The following ZNF107 variants were observed in gnomAD, a reference collection of about 807,000 sequenced individuals.
The protein encoded by ZNF107 is zinc finger protein 107.
In ZNF107, 19 loss-of-function variants were observed where a neutral mutation model predicts 12.3. The ratio of observed to expected loss-of-function variants is 1.55; its 90% CI spans 1.08 to 2.27. The LOEUF is 2.27. ZNF107 is among the 30% of genes most tolerant of loss of function. The pLI, the probability that ZNF107 is intolerant of heterozygous loss-of-function variation, is 0.00. For missense variants in ZNF107, 958 were observed against 979.9 expected (o/e 0.98, Z 0.30); for synonymous variants, 317 against 330.5 (o/e 0.96, Z 0.44).
intron 3 of ZNF107, among the ~76,000 whole-genome samples, chr7:64,705,696 CTT>C (rs59441538): frequency 0.41 from 55,605 of 134,736 alleles, 10,993 homozygotes; most frequent in African/African-American, 0.47. Context: ...AATTTTCTAG[CTT>C]TTTTTTTTTT....
chr7:64,681,508 C>T (rs943010199), intron 1 of ZNF107, among the ~76,000 whole-genome samples: 4 of 152,068 alleles, frequency 2.6e-5, no homozygotes, highest in Admixed American at 2.6e-4. Context: ...CCACCCTTCT[C>T]CCCAACCCTT....
chr7:64,692,158 C>T (rs1790140309), intron 3 of ZNF107, among the ~76,000 whole-genome samples, 198 bp downstream of exon 3: 1 of 152,188 alleles, frequency 6.6e-6, no homozygotes, highest in African/African-American at 2.4e-5. Flanking sequence ...AAGGATTCTA[C>T]TTTCCCTTCA....
chr7:64,677,580 G>C (rs1466662519), intron 1 of ZNF107, among the ~76,000 whole-genome samples: 2 of 151,388 alleles, frequency 1.3e-5, no homozygotes, highest in African/African-American at 4.9e-5. Context: ...TCGGCTAGGC[G>C]TGGTGGCTCA....
At chr7:64,694,848 T>C (rs1008594419) in intron 3 of ZNF107, among the ~76,000 whole-genome samples, 1 of 152,204 alleles carries the variant, frequency 6.6e-6, no homozygotes, top group Non-Finnish European at 1.5e-5. Context: ...TAGGGCAATG[T>C]ACTAGAATTT....
chr7:64,698,563 AG>A (rs1397103418), intron 3 of ZNF107, among the ~76,000 whole-genome samples: 1 of 151,906 alleles, frequency 6.6e-6, no homozygotes, highest in Non-Finnish European at 1.5e-5. Context: ...CTGGGATTAC[AG>A]GCTCCTGCCA....
chr7:64,666,401 C>A, intron 1 of ZNF107, 116 bp downstream of exon 1: 2 of 1,405,516 alleles, frequency 1.4e-6, no homozygotes, highest in Non-Finnish European at 2.0e-6. Flanking sequence ...TTCTCCTTGG[C>A]GCAGCTCGGC....
At chr7:64,668,711 G>C (rs1789103733) in intron 1 of ZNF107, among the ~76,000 whole-genome samples, 1 of 151,940 alleles carries the variant, frequency 6.6e-6, no homozygotes, top group Admixed American at 6.6e-5. Flanking sequence ...TTCTTTCCCA[G>C]ACTTAGTTTA....
At chr7:64,666,719 C>A (rs892858776) in intron 1 of ZNF107, among the ~76,000 whole-genome samples, 6 of 152,152 alleles carry the variant, frequency 3.9e-5, no homozygotes, top group Admixed American at 3.3e-4. Flanking sequence ...TCTTAAAAAT[C>A]TATGGAAGTC....
chr7:64,703,377 A>G (rs1790537313), intron 3 of ZNF107, among the ~76,000 whole-genome samples: 2 of 150,788 alleles, frequency 1.3e-5, no homozygotes, highest in Non-Finnish European at 2.9e-5. Context: ...TGTCTAGGTG[A>G]GCAGTCATAA....
rs1041336884 is a variant in ZNF107, at chr7:64,702,205, G to A, written c.227-4119G>A. ...GCTCTGTCGCCCAGGCTGGAGTGCA[G>A]TGGCATGATCTCGGCTCACTGCAAC... is the stretch of plus-strand genomic sequence containing the variant. On this transcript the variant is annotated intron_variant, in intron 3 of 3. Transcript: ENST00000620827. 2.6e-5 allele frequency among the ~76,000 whole-genome samples: 4 copies of A among 151,826 alleles called. No homozygotes were observed. In the East Asian group the frequency reaches 7.8e-4, roughly 29 times the overall value.
intron 1 of ZNF107, among the ~76,000 whole-genome samples, chr7:64,684,968 T>A (rs1169376629): frequency 6.6e-6 from 1 of 152,174 alleles, no homozygotes; most frequent in Non-Finnish European, 1.5e-5. Flanking sequence ...ACCACTTACG[T>A]TGCCACTCTC....
intron 3 of ZNF107, among the ~76,000 whole-genome samples, chr7:64,703,873 C>A (rs1790554314): frequency 6.6e-6 from 1 of 151,546 alleles, no homozygotes; most frequent in Non-Finnish European, 1.5e-5. Flanking sequence ...GTCTTTCTTT[C>A]TTCCTTTGTG....
At chr7:64,675,661 G>A (rs1291414490) in intron 1 of ZNF107, among the ~76,000 whole-genome samples, 1 of 152,092 alleles carries the variant, frequency 6.6e-6, no homozygotes, top group Non-Finnish European at 1.5e-5. Flanking sequence ...TCCTCTTGCT[G>A]CTCTCATGCT....
In ZNF107 at chr7:64,707,959, A is replaced by T; in HGVS notation, c.1862A>T (p.Tyr621Phe). 1 of 1,613,666 alleles carries T rather than the reference A, an allele frequency of 6.2e-7. No individual in the cohort carries two copies. Among genetic ancestry groups the T allele is most frequent in the South Asian group, 1.1e-5 (1 of 91,032 alleles). Residue 621 changes from tyrosine to phenylalanine, a missense_variant, in exon 4 of 4, where the codon TAC becomes TTC. By Grantham distance (22) the Tyr-to-Phe change is conservative. Transcript: ENST00000620827. The stretch of plus-strand genomic sequence containing the variant: ...ATTATTCATACTGGAGAGAAACCCT[A>T]CAAATGTGAAGAACATGGCAAAGTT... ...HKIIHTGEKP[Y>F]KCEEHGKVFN... is the part of the protein sequence containing the mutation.
rs181884644 is a variant in ZNF107, at chr7:64,704,550, C to A, written c.227-1774C>A. On this transcript the variant is annotated intron_variant, in intron 3 of 3. Transcript: ENST00000620827. ...CGAGACACCGCGCCTGGCTGAAAGT[C>A]ATATATTTTCATATGATTATGTGCT... Among the ~76,000 whole-genome samples the A allele has an allele frequency of 5.8e-4, 88 of 152,218 alleles. No individual in the cohort carries two copies. In the Middle Eastern group the frequency reaches 0.014, roughly 24 times the overall value.
chr7:64,686,803 G>A, intron 1 of ZNF107: 1 of 878,752 alleles, frequency 1.1e-6, no homozygotes, highest in Non-Finnish European at 1.4e-6. Flanking sequence ...TGTAAAGACT[G>A]CTCTCCCTCA....
chr7:64,686,626 A>G (rs1327422909), intron 1 of ZNF107: 4 of 985,210 alleles, frequency 4.1e-6, no homozygotes, highest in Non-Finnish European at 4.8e-6. Flanking sequence ...GCCATTAAGA[A>G]CTCTGTGACC....
rs748034385 is a variant in ZNF107 at position 64,707,229 on chromosome 7, T to C, written c.1132T>C (p.Phe378Leu). 6.2e-7 allele frequency: 1 copy of C among 1,613,306 alleles called. No homozygotes were observed. The highest frequency in any genetic ancestry group is 8.5e-7 in the Non-Finnish European group (1 of 1,179,722). ...LNKCEECDKA[F>L]NRSLKLTAHK... ...CAAATGTGAAGAATGTGACAAAGCT[T>C]TTAACCGATCCTTAAAACTTACTGC... is the stretch of plus-strand genomic sequence containing the variant. Residue 378 changes from phenylalanine (F) to leucine (L), a missense_variant, in exon 4 of 4, where the codon TTT (phenylalanine) becomes CTT (leucine). Physicochemically the swap from Phe to Leu is conservative, Grantham distance 22. Coordinates refer to ENST00000620827, the MANE Select transcript of ZNF107 (RefSeq NM_001282359.2).
intron 1 of ZNF107, among the ~76,000 whole-genome samples, chr7:64,667,858 A>G (rs1254314001): frequency 6.6e-6 from 1 of 152,016 alleles, no homozygotes; most frequent in African/African-American, 2.4e-5. Context: ...TGGTCAGCCA[A>G]TCAGATGCTG....
Sources: allele counts gnomAD v4.1 joint callset (sites outside exome capture counted in the v4.1 genomes callset), GRCh38; gene constraint gnomAD v4.1.1; transcripts MANE v1.5; gene names NCBI Gene and HGNC (gene_info 2026-07-23, HGNC 2026-07-21).